The following EVA1C variants were observed in gnomAD, a reference collection of about 807,000 sequenced individuals.
EVA1C encodes protein eva-1 homolog C.
Under a neutral mutation model 45.4 loss-of-function variants are expected in EVA1C, and 25 were observed. The observed-to-expected ratio is 0.55, with a 90% CI of 0.40 to 0.77. The LOEUF is 0.77. Among genes scored for constraint, EVA1C ranks in the 30% least tolerant of loss-of-function variants. The probability of loss-of-function intolerance (pLI) is 0.00; values close to 1 mark genes in which losing one functional copy is unlikely to be tolerated. For synonymous variants in EVA1C, 190 were observed against 221.2 expected (o/e 0.86, Z 1.25); for missense variants, 479 against 554.8 (o/e 0.86, Z 1.37).
intron 4 of EVA1C, among the ~76,000 whole-genome samples, chr21:32,479,436 C>T (rs1432628377): frequency 6.6e-6 from 1 of 151,844 alleles, no homozygotes; most frequent in Non-Finnish European, 1.5e-5. Flanking sequence ...CCTCCCCAAC[C>T]CCCCAGAAAA....
In EVA1C at chr21:32,515,266, C is replaced by T. The variant is rs1013887981; in HGVS notation, c.*76C>T. On this transcript the variant is annotated 3_prime_UTR_variant, in exon 8 of 8. Transcript: ENST00000300255. ...CAAATGCCCCTCCAGTTCTGGTTCA[C>T]CTGTACCTTCTATGAAGGAGAATTC... 2.8e-6 allele frequency: 4 copies of T among 1,447,194 alleles called. No individual in the cohort carries two copies. The Admixed American group carries it at 9.2e-5, about 33-fold the overall frequency. 89.6% of individuals were successfully genotyped at this position (1,447,194 alleles called of 1,614,324 possible).
At chr21:32,503,318 G>A (rs1485824293) in intron 6 of EVA1C, among the ~76,000 whole-genome samples, 1 of 152,218 alleles carries the variant, frequency 6.6e-6, no homozygotes, top group African/African-American at 2.4e-5. Context: ...GGCCGAGGCG[G>A]GCAGATCACC....
At chr21:32,415,098 T>C (rs1287224369) in intron 1 of EVA1C, among the ~76,000 whole-genome samples, 2 of 152,188 alleles carry the variant, frequency 1.3e-5, no homozygotes. Context: ...GGTTCAGTGT[T>C]TCAGCTGACG....
intron 4 of EVA1C, among the ~76,000 whole-genome samples, chr21:32,494,203 G>A (rs770680789): frequency 5.9e-5 from 9 of 152,174 alleles, no homozygotes; most frequent in Non-Finnish European, 1.3e-4. Flanking sequence ...CCAGGGCACC[G>A]AAAAACAAAT....
intron 4 of EVA1C, among the ~76,000 whole-genome samples, chr21:32,475,583 T>A (rs2036526139): frequency 6.6e-6 from 1 of 151,994 alleles, no homozygotes; most frequent in Non-Finnish European, 1.5e-5. Flanking sequence ...TTGCTTTATA[T>A]CATGTGTGTT....
chr21:32,432,653 CT>C (rs1392339219), intron 1 of EVA1C, among the ~76,000 whole-genome samples: 1 of 147,940 alleles, frequency 6.8e-6, no homozygotes, highest in African/African-American at 2.4e-5. Flanking sequence ...TTCCGTAATC[CT>C]TCATCTAAAA....
intron 1 of EVA1C, among the ~76,000 whole-genome samples, chr21:32,438,160 TTC>T (rs1029099124): frequency 6.6e-6 from 1 of 152,154 alleles, no homozygotes; most frequent in Non-Finnish European, 1.5e-5. Context: ...AGGGTCCTAG[TTC>T]TCTCTTTCTG....
intron 1 of EVA1C, among the ~76,000 whole-genome samples, chr21:32,446,821 C>T (rs1448912196): frequency 1.3e-5 from 2 of 152,166 alleles, no homozygotes; most frequent in African/African-American, 2.4e-5. Flanking sequence ...CTCCTACCTC[C>T]TTCCATGGCC....
chr21:32,483,818 T>C (rs913357070), intron 4 of EVA1C, among the ~76,000 whole-genome samples: 1 of 152,160 alleles, frequency 6.6e-6, no homozygotes, highest in African/African-American at 2.4e-5. Flanking sequence ...TTTATCAGGC[T>C]TGTGGAATGG....
chr21:32,442,138 G>A (rs773559969), intron 1 of EVA1C, among the ~76,000 whole-genome samples: 1 of 152,200 alleles, frequency 6.6e-6, no homozygotes, highest in Non-Finnish European at 1.5e-5. Flanking sequence ...AAAATATATT[G>A]TCTCTGCCTT....
chr21:32,418,123 G>A (rs1470589153), intron 1 of EVA1C, among the ~76,000 whole-genome samples: 2 of 152,124 alleles, frequency 1.3e-5, no homozygotes, highest in Non-Finnish European at 1.5e-5. Context: ...TGCATGCACA[G>A]CCATGCAAAC....
At chr21:32,481,976 G>A (rs143239814) in intron 4 of EVA1C, among the ~76,000 whole-genome samples, 1 of 152,168 alleles carries the variant, frequency 6.6e-6, no homozygotes, top group Non-Finnish European at 1.5e-5. Flanking sequence ...AGTCCCAAAG[G>A]CCTTTTCCTA....
chr21:32,512,140 A>G (rs1192386047), intron 7 of EVA1C, among the ~76,000 whole-genome samples: 1 of 152,054 alleles, frequency 6.6e-6, no homozygotes, highest in African/African-American at 2.4e-5. Flanking sequence ...GGTGGTAGTC[A>G]CCTTGAGGGG....
At chr21:32,425,085 C>A (rs902782758) in intron 1 of EVA1C, among the ~76,000 whole-genome samples, 1 of 151,820 alleles carries the variant, frequency 6.6e-6, no homozygotes, top group Non-Finnish European at 1.5e-5. Context: ...CTGAGGTGGG[C>A]AGATCACCTG....
intron 2 of EVA1C, among the ~76,000 whole-genome samples, chr21:32,457,167 A>G (rs1349128182): frequency 1.3e-5 from 2 of 152,164 alleles, no homozygotes; most frequent in Admixed American, 1.3e-4. Flanking sequence ...TTTAAGGATG[A>G]AAGGCCAGGA....
rs1022191927 is a variant in EVA1C, at chr21:32,474,261, G to A, written c.634+6413G>A. The stretch of plus-strand genomic sequence containing the variant: ...AGAGCACACCGCACCTCCGCTTAAA[G>A]CCCTCCACTCTGCACACTGTAATTG... On this transcript the variant is annotated intron_variant, in intron 4 of 7. Coordinates refer to ENST00000300255, the MANE Select transcript of EVA1C (RefSeq NM_058187.5). This position sits in a 1 kb window ranked among gnomAD's most constrained non-coding sequence, Gnocchi z 4.4. Among the ~76,000 whole-genome samples, 4 of 152,184 alleles carry A rather than the reference G, an allele frequency of 2.6e-5. No homozygotes were observed. The highest frequency in any genetic ancestry group is 9.7e-5 in the African/African-American group (4 of 41,448).
At chr21:32,481,881 T>C (rs1441174030) in intron 4 of EVA1C, among the ~76,000 whole-genome samples, 1 of 152,216 alleles carries the variant, frequency 6.6e-6, no homozygotes, top group Non-Finnish European at 1.5e-5. Flanking sequence ...CCTGAATATT[T>C]AGTTCATACC....
intron 1 of EVA1C, among the ~76,000 whole-genome samples, chr21:32,451,830 C>T (rs1363762356): frequency 2.0e-5 from 3 of 152,188 alleles, no homozygotes; most frequent in Non-Finnish European, 1.5e-5. Flanking sequence ...GTTAAGGGCC[C>T]ACCTTACTCC....
upstream of EVA1C, chr21:32,411,988 C>T (rs2033839856): frequency 6.6e-6 from 1 of 152,308 alleles, no homozygotes; most frequent in Admixed American, 6.5e-5. Context: ...ATTATTAGCG[C>T]TCGGCGGCTG....
Sources: gnomAD v4.1 joint callset for allele counts (sites outside exome capture counted in the v4.1 genomes callset) on GRCh38, gnomAD v4.1.1 for gene constraint, Gnocchi (gnomAD v3.1) non-coding constraint, MANE v1.5 for transcripts, NCBI Gene and HGNC (gene_info 2026-07-23, HGNC 2026-07-21) for gene names.